NECTIN4: variants seen among roughly 807,000 people sequenced by gnomAD.
NECTIN4 encodes the protein nectin cell adhesion molecule 4, also known as nectin-4.
Under a neutral mutation model 51.7 loss-of-function variants are expected in NECTIN4, and 19 were observed. That is an observed-to-expected ratio of 0.37 (90% CI 0.26 to 0.54). The LOEUF is 0.54. NECTIN4 is among the 20% of genes least tolerant of loss of function. NECTIN4 has a pLI of 0.86. For synonymous variants in NECTIN4, 283 were observed against 286.9 expected (o/e 0.99, Z 0.14); for missense variants, 619 against 662.4 (o/e 0.93, Z 0.72).
At chr1:161,073,639 T>C in intron 7 of NECTIN4, 81 bp downstream of exon 7, 2 of 1,212,842 alleles carry the variant, frequency 1.6e-6, no homozygotes, top group Non-Finnish European at 2.5e-6. Flanking sequence ...GCTGTGCTCC[T>C]GGTCTGCAGA....
chr1:161,081,214 A>G (rs190073172), intron 1 of NECTIN4, among the ~76,000 whole-genome samples: 144 of 152,284 alleles, frequency 9.5e-4, no homozygotes, highest in African/African-American at 3.3e-3. Flanking sequence ...GAACTTCCAT[A>G]CCAGCAAAGG....
At chr1:161,081,291 C>T (rs1653666257) in intron 1 of NECTIN4, among the ~76,000 whole-genome samples, 1 of 151,454 alleles carries the variant, frequency 6.6e-6, no homozygotes, top group South Asian at 2.1e-4. Flanking sequence ...GTGCCATGAG[C>T]AAGTGGTGAG....
chr1:161,085,563 C>T (rs1201669982), intron 1 of NECTIN4, among the ~76,000 whole-genome samples: 1 of 152,078 alleles, frequency 6.6e-6, no homozygotes, highest in Admixed American at 6.6e-5. Flanking sequence ...GTGGGGGTGG[C>T]CAGAAAACTA....
At chr1:161,088,860 G>C (rs1268724454) in intron 1 of NECTIN4, among the ~76,000 whole-genome samples, 1 of 152,094 alleles carries the variant, frequency 6.6e-6, no homozygotes. Flanking sequence ...GCACCTCTAG[G>C]AAACCCTGGG....
chr1:161,083,509 C>T (rs1321215952), intron 1 of NECTIN4, among the ~76,000 whole-genome samples: 1 of 152,212 alleles, frequency 6.6e-6, no homozygotes, highest in Non-Finnish European at 1.5e-5. Context: ...CAGGCCAGGC[C>T]AAGCCCAGGG....
intron 1 of NECTIN4, among the ~76,000 whole-genome samples, chr1:161,080,574 A>G (rs1305100618): frequency 4.6e-5 from 7 of 152,092 alleles, no homozygotes; most frequent in African/African-American, 1.7e-4. Flanking sequence ...GAAATGTTCC[A>G]TGTGGGAGGA....
intron 2 of NECTIN4, 116 bp downstream of exon 2, chr1:161,079,474 C>T (rs1239971271): frequency 1.4e-6 from 2 of 1,408,740 alleles, no homozygotes; most frequent in Non-Finnish European, 9.6e-7. Flanking sequence ...CTCACCTGAA[C>T]ATGACCCCAC....
At position 161,089,327 on chromosome 1, in the gene NECTIN4, A is replaced by G; in HGVS notation, c.-31T>C. 6.3e-7 allele frequency: 1 copy of G among 1,587,910 alleles called. No individual in the cohort carries two copies. The highest frequency in any genetic ancestry group is 8.6e-7 in the Non-Finnish European group (1 of 1,168,274). On this transcript the variant is annotated 5_prime_UTR_variant, in exon 1 of 9. Transcript: ENST00000368012. The surrounding 1 kb of genome is among the most constrained non-coding windows in gnomAD (Gnocchi z 4.1). The stretch of plus-strand genomic sequence containing the variant: ...AAAGGCAGACTGCCCAGCGTTTCTG[A>G]AGTTCCACCGAGATCTCCCTGGGAG...
At chr1:161,082,606 G>A (rs1409510352) in intron 1 of NECTIN4, among the ~76,000 whole-genome samples, 3 of 152,106 alleles carry the variant, frequency 2.0e-5, no homozygotes, top group African/African-American at 7.2e-5. Flanking sequence ...CAGAAGGAGA[G>A]GGAAGAAGGA....
chr1:161,075,377 C>T (rs1490719461), intron 4 of NECTIN4, among the ~76,000 whole-genome samples: 2 of 152,182 alleles, frequency 1.3e-5, no homozygotes, highest in Non-Finnish European at 2.9e-5. Flanking sequence ...GTTGGCTTAA[C>T]AACAATTAGA....
chr1:161,077,632 T>A lies in NECTIN4; in HGVS notation c.551A>T (p.Asp184Val). The A allele has an allele frequency of 1.2e-6, 2 of 1,613,644 alleles. No individual in the cohort carries two copies. Among genetic ancestry groups the A allele is most frequent in the Non-Finnish European group, 1.7e-6 (2 of 1,180,014 alleles). Reference sequence around the variant, plus strand: ...GGACGTTGTGCCTTTGACCTCCGTGTCCCAGGTCACGCTGGGGGCTGGGCT... The same window carrying A: ...GGACGTTGTGCCTTTGACCTCCGTGACCCAGGTCACGCTGGGGGCTGGGCT... ...EGSPAPSVTW[D>V]TEVKGTTSSR... Residue 184 changes from aspartate (D) to valine (V), a missense_variant, in exon 3 of 9, where the codon GAC becomes GTC. Transcript: ENST00000368012.
chr1:161,077,843 C>A lies in NECTIN4; in HGVS notation c.440-100G>T, dbSNP rs112997741. On this transcript the variant is annotated intron_variant, in intron 2 of 8. Transcript: ENST00000368012. Reference sequence around the variant, plus strand: ...TCTTGCACAAGTACAAACTTTCAGGCCCCCTTTCCTTCTCTTATTTCATGG... The same window carrying A: ...TCTTGCACAAGTACAAACTTTCAGGACCCCTTTCCTTCTCTTATTTCATGG... The A allele has an allele frequency of 2.5e-5, 27 of 1,086,260 alleles. No homozygotes were observed. In the African/African-American group the frequency reaches 3.9e-4, roughly 16 times the overall value. 67.3% of individuals were successfully genotyped at this position (1,086,260 alleles called of 1,614,324 possible).
intron 6 of NECTIN4, 52 bp from the exon 7 acceptor site, chr1:161,073,847 G>A (rs751032148): frequency 1.3e-6 from 2 of 1,537,164 alleles, no homozygotes; most frequent in African/African-American, 1.4e-5. Context: ...AGCCTCCCAA[G>A]GTGAGCCTAT....
intron 8 of NECTIN4, 31 bp downstream of exon 8, chr1:161,073,194 G>A: frequency 1.9e-6 from 3 of 1,596,554 alleles, no homozygotes; most frequent in Non-Finnish European, 2.6e-6. Flanking sequence ...GAGGAGAGTG[G>A]TGGGGACACC....
At chr1:161,076,258 T>C in intron 4 of NECTIN4, 97 bp downstream of exon 4, 5 of 1,396,886 alleles carry the variant, frequency 3.6e-6, no homozygotes, top group Non-Finnish European at 5.0e-6. Flanking sequence ...ATTTGGGGGC[T>C]CAGAATATGT....
chr1:161,089,012 G>A lies in NECTIN4; in HGVS notation c.79+206C>T, dbSNP rs1489480152. 6.6e-6 allele frequency among the ~76,000 whole-genome samples: 1 copy of A among 152,088 alleles called. No individual in the cohort carries two copies. The highest frequency in any genetic ancestry group is 2.1e-4 in the South Asian group (1 of 4,822). ...GACATAGTGACCTGGCCTGGGGGCT[G>A]GGAGGAAACAAGAAGGGGGAGGGCT... On this transcript the variant is annotated intron_variant, in intron 1 of 8. Transcript: ENST00000368012. This position sits in a 1 kb window ranked among gnomAD's most constrained non-coding sequence, Gnocchi z 4.1.
rs1375233800 is a variant in NECTIN4 at position 161,077,371 on chromosome 1, G to A, written c.730+82C>T. 4.6e-6 allele frequency: 7 copies of A among 1,518,362 alleles called. No homozygotes were observed. The South Asian group carries it at 6.7e-5, about 15-fold the overall frequency. 94.1% of individuals were successfully genotyped at this position (1,518,362 alleles called of 1,614,324 possible). A position where few individuals can be genotyped will look rare whatever the true frequency, so the allele number is the denominator to read the frequency against. ...CTCCAGGACCCAGGCTGGCCAGCCT[G>A]GCATGGCTCAGGGACCTGTGGCATC... is the stretch of plus-strand genomic sequence containing the variant. On this transcript the variant is annotated intron_variant, in intron 3 of 8. Coordinates refer to ENST00000368012, the MANE Select transcript of NECTIN4 (RefSeq NM_030916.3).
chr1:161,088,761 C>T (rs948321489), intron 1 of NECTIN4, among the ~76,000 whole-genome samples: 4 of 152,184 alleles, frequency 2.6e-5, no homozygotes, highest in African/African-American at 4.8e-5. Flanking sequence ...CATCAGGCTT[C>T]CTGCACCCTG....
chr1:161,077,812 T>C (rs972067310), intron 2 of NECTIN4, 69 bp from the exon 3 acceptor site: 98 of 1,440,472 alleles, frequency 6.8e-5, no homozygotes, highest in Non-Finnish European at 8.7e-5. Context: ...ACTCATCGCA[T>C]TTCAGTCTTG....
Sources: gnomAD v4.1 joint callset for allele counts (sites outside exome capture counted in the v4.1 genomes callset) on GRCh38, gnomAD v4.1.1 for gene constraint, Gnocchi (gnomAD v3.1) non-coding constraint, MANE v1.5 for transcripts, NCBI Gene and HGNC (gene_info 2026-07-23, HGNC 2026-07-21) for gene names.